Variants in STEAP1B observed in about 807,000 individuals in gnomAD.
STEAP1B encodes STEAP family protein MGC87042.
In STEAP1B, 13 loss-of-function variants were observed where a neutral mutation model predicts 27.9. The observed-to-expected ratio is 0.47, with a 90% CI of 0.30 to 0.74. The LOEUF (loss-of-function observed/expected upper bound fraction) is 0.74, where lower values mean the gene tolerates loss of function less well. Ranked by LOEUF, STEAP1B falls within the 30% of genes least tolerant of loss-of-function variation. STEAP1B has a pLI of 0.06. For synonymous variants in STEAP1B, 86 were observed against 107.1 expected (o/e 0.80, Z 1.22); for missense variants, 250 against 298.7 (o/e 0.84, Z 1.20).
intron 4 of STEAP1B, among the ~76,000 whole-genome samples, chr7:22,491,224 CATAGT>C (rs1050452621): frequency 5.9e-5 from 9 of 152,096 alleles, no homozygotes; most frequent in Non-Finnish European, 1.0e-4. Flanking sequence ...AACTGAGTGC[CATAGT>C]ATAGTGACAC....
chr7:22,467,130 T>C (rs1031032730), intron 4 of STEAP1B, among the ~76,000 whole-genome samples: 2 of 152,266 alleles, frequency 1.3e-5, no homozygotes, highest in African/African-American at 4.8e-5. Context: ...CCCTTATTTA[T>C]AAGATCCCTT....
At chr7:22,490,909 G>C (rs117091293) in intron 4 of STEAP1B, among the ~76,000 whole-genome samples, 2 of 152,348 alleles carry the variant, frequency 1.3e-5, no homozygotes, top group East Asian at 1.9e-4. Context: ...TGGTTTCCTA[G>C]AAGTAATTTG....
At chr7:22,430,040 A>G (rs1785157300) in intron 4 of STEAP1B, among the ~76,000 whole-genome samples, 1 of 152,234 alleles carries the variant, frequency 6.6e-6, no homozygotes, top group Non-Finnish European at 1.5e-5. Context: ...ACCCACTAGC[A>G]TCTTCAACAG....
At chr7:22,485,266 T>C (rs1239294139) in intron 4 of STEAP1B, among the ~76,000 whole-genome samples, 2 of 152,210 alleles carry the variant, frequency 1.3e-5, no homozygotes, top group Non-Finnish European at 2.9e-5. Flanking sequence ...TACTGTCTTA[T>C]TTTAAGAAAT....
Position 22,450,652 on chromosome 7 carries a change from T to C in STEAP1B, c.763-30816A>G, listed in dbSNP as rs528378630. Among the ~76,000 whole-genome samples the C allele has an allele frequency of 1.1e-4, 16 of 150,808 alleles. 1 individual carries two copies. The highest frequency in any genetic ancestry group is 9.3e-4 in the Admixed American group (14 of 15,100). On this transcript the variant is annotated intron_variant, in intron 4 of 4. Transcript: ENST00000678116. ...TGGCCATGGGTCTTTTGTGGTTCCA[T>C]ATAAATTTTAGTTTATTTCTATTTC...
Position 22,419,844 on chromosome 7 carries a change from GCAGA to G in STEAP1B, c.763-12_763-9del. 1 of 1,549,508 alleles carries G rather than the reference GCAGA, an allele frequency of 6.5e-7. No homozygotes were observed. Among genetic ancestry groups the G allele is most frequent in the Non-Finnish European group, 8.7e-7 (1 of 1,145,692 alleles). On this transcript the variant is annotated splice_polypyrimidine_tract_variant and intron_variant, in intron 4 of 4. Coordinates refer to ENST00000678116, the MANE Select transcript of STEAP1B (RefSeq NM_001382447.1). The stretch of plus-strand genomic sequence containing the variant: ...GTTGATCCTACCATGTACCTGGAAG[GCAGA>G]CAGCAAGAAAGAGTTGATGTATAGA...
At chr7:22,424,895 G>A (rs370179006) in intron 4 of STEAP1B, among the ~76,000 whole-genome samples, 4 of 146,724 alleles carry the variant, frequency 2.7e-5, no homozygotes, top group African/African-American at 2.5e-5. Context: ...ATTGTTAAGT[G>A]AAAAAAAAAA....
intron 1 of STEAP1B, among the ~76,000 whole-genome samples, chr7:22,495,913 T>C (rs1217910393): frequency 6.6e-6 from 1 of 152,242 alleles, no homozygotes; most frequent in Non-Finnish European, 1.5e-5. Flanking sequence ...TTTACAATAC[T>C]ATACTTTTTA....
chr7:22,423,953 C>A (rs1363669317), intron 4 of STEAP1B, among the ~76,000 whole-genome samples: 3 of 152,088 alleles, frequency 2.0e-5, no homozygotes, highest in Non-Finnish European at 4.4e-5. Flanking sequence ...CACTTGAGCC[C>A]AGGAGGTCAA....
intron 2 of STEAP1B, among the ~76,000 whole-genome samples, chr7:22,494,462 G>A (rs1487133914): frequency 6.6e-6 from 1 of 150,718 alleles, no homozygotes; most frequent in East Asian, 1.9e-4. Flanking sequence ...ACTATAGAGT[G>A]TTAGAAAGAA....
chr7:22,471,893 C>CA (rs59453902), intron 4 of STEAP1B, among the ~76,000 whole-genome samples: 8,317 of 57,828 alleles, frequency 0.14, 289 homozygotes, highest in South Asian at 0.19. Flanking sequence ...AACCTGTCTC[C>CA]AAAAAAAAAA....
chr7:22,458,232 G>A (rs1785619730), intron 4 of STEAP1B, among the ~76,000 whole-genome samples: 1 of 152,180 alleles, frequency 6.6e-6, no homozygotes, highest in African/African-American at 2.4e-5. Flanking sequence ...ATGCCATGGA[G>A]GTGAATACGA....
At chr7:22,480,536 G>A (rs1418313982) in intron 4 of STEAP1B, among the ~76,000 whole-genome samples, 1 of 152,200 alleles carries the variant, frequency 6.6e-6, no homozygotes, top group Non-Finnish European at 1.5e-5. Context: ...GTCTGCAAAA[G>A]CTCAGAGACA....
At chr7:22,434,525 TA>T (rs3841290) in intron 4 of STEAP1B, among the ~76,000 whole-genome samples, 28 of 151,756 alleles carry the variant, frequency 1.8e-4, no homozygotes, top group Non-Finnish European at 3.7e-4. Flanking sequence ...TAAGAATAGG[TA>T]AAAAAAAATT....
intron 4 of STEAP1B, among the ~76,000 whole-genome samples, chr7:22,477,679 C>T (rs1157196070): frequency 6.6e-6 from 1 of 151,906 alleles, no homozygotes; most frequent in East Asian, 1.9e-4. Flanking sequence ...CTTTGACAAC[C>T]TCATATGTGT....
chr7:22,466,638 C>A (rs184461320), intron 4 of STEAP1B, among the ~76,000 whole-genome samples: 6 of 152,138 alleles, frequency 3.9e-5, no homozygotes, highest in Non-Finnish European at 7.4e-5. Flanking sequence ...TTTGGAAACC[C>A]TAGTAAACAA....
At chr7:22,454,827 TTA>T (rs58507500) in intron 4 of STEAP1B, among the ~76,000 whole-genome samples, 32,615 of 85,680 alleles carry the variant, frequency 0.38, 4,356 homozygotes, top group Middle Eastern at 0.46. Context: ...AAAGAAAATA[TTA>T]TATATATATA....
At chr7:22,440,240 T>C (rs900157277) in intron 4 of STEAP1B, among the ~76,000 whole-genome samples, 2 of 152,208 alleles carry the variant, frequency 1.3e-5, no homozygotes, top group Admixed American at 1.3e-4. Context: ...ATATGCTACC[T>C]TGACTTGTGG....
intron 4 of STEAP1B, among the ~76,000 whole-genome samples, chr7:22,450,115 T>G (rs1289345244): frequency 6.6e-6 from 1 of 152,218 alleles, no homozygotes; most frequent in African/African-American, 2.4e-5. Flanking sequence ...TCCTTTGCAG[T>G]ACAGAAGCTT....
Sources: allele counts gnomAD v4.1 joint callset (sites outside exome capture counted in the v4.1 genomes callset), GRCh38; gene constraint gnomAD v4.1.1; transcripts MANE v1.5; gene names NCBI Gene and HGNC (gene_info 2026-07-23, HGNC 2026-07-21).